Variants in GRK1 observed in about 807,000 individuals in gnomAD.
GRK1 encodes rhodopsin kinase GRK1.
Under a neutral mutation model 41.7 loss-of-function variants are expected in GRK1, and 28 were observed. The observed-to-expected ratio is 0.67, with a 90% CI of 0.50 to 0.92. The LOEUF is 0.92. Ranked by LOEUF, GRK1 falls within the 40% of genes least tolerant of loss-of-function variation. GRK1 has a pLI of 0.00. For synonymous variants in GRK1, 327 were observed against 286.7 expected (o/e 1.14, Z -1.42); for missense variants, 703 against 671.2 (o/e 1.05, Z -0.52).
At chr13:113,669,628 G>A (rs1432326164) in intron 1 of GRK1, 59 bp from the exon 2 acceptor site, 22 of 1,605,864 alleles carry the variant, frequency 1.4e-5, no homozygotes, top group Middle Eastern at 1.7e-4. Flanking sequence ...CGGTCTCTGC[G>A]ATGCACCTAG....
rs886412350 is a variant in GRK1, at chr13:113,723,152, C to T, written c.1064C>T (p.Thr355Ile). The T allele has an allele frequency of 7.1e-6, 5 of 700,908 alleles. No homozygotes were observed. The African/African-American group carries it at 8.8e-5, about 12-fold the overall frequency. The allele number at this position is 700,908 out of a possible 1,614,324, so 43.4% of individuals were successfully genotyped here. ...GQSKTKGYAG[T>I]PGFMAPELLQ... The stretch of plus-strand genomic sequence containing the variant: ...AGCAAGACCAAGGGCTACGCAGGGA[C>T]CCCAGGTAAGGGTCTGAGCGCAGCT... Residue 355 changes from threonine (T) to isoleucine (I), a missense_variant, in exon 4 of 7, where the codon ACC (threonine) becomes ATC (isoleucine). Transcript: ENST00000335678.
rs1382426787 is a variant in GRK1 at position 113,732,967 on chromosome 13, C to T, written c.1278C>T (p.Phe426=). Residue 426 remains phenylalanine (F), a synonymous_variant, in exon 6 of 7, where the codon TTC becomes TTT. Transcript: ENST00000335678. ...PDKFSQASKD[F]CEALLEKDPE... ...AGTTCAGCCAGGCCAGCAAGGACTT[C>T]TGCGAGGCGCTGCTGGAGAAGGACC... 5.9e-6 allele frequency: 9 copies of T among 1,536,962 alleles called. No homozygotes were observed. In the African/African-American group the frequency reaches 1.1e-4, roughly 19 times the overall value.
intron 1 of GRK1, among the ~76,000 whole-genome samples, chr13:113,668,574 C>G (rs1234003485): frequency 6.6e-6 from 1 of 152,244 alleles, no homozygotes; most frequent in Admixed American, 6.5e-5. Context: ...GGGGCAGGAA[C>G]TGTTCCCCTG....
chr13:113,729,452 G>A (rs142865041), intron 4 of GRK1, among the ~76,000 whole-genome samples: 1 of 152,226 alleles, frequency 6.6e-6, no homozygotes, highest in African/African-American at 2.4e-5. Flanking sequence ...CGGGACAGGG[G>A]CAGTGAAGGG....
At chr13:113,664,980 C>T (rs1003913070), upstream of GRK1, among the ~76,000 whole-genome samples, 5 of 152,200 alleles carry the variant, frequency 3.3e-5, no homozygotes, top group African/African-American at 4.8e-5. This position sits in a 1 kb window ranked among gnomAD's most constrained non-coding sequence, Gnocchi z 5.4. Context: ...AATATTTACT[C>T]GTGATCCACC....
chr13:113,659,341 G>A, the GRK1 span, among the ~76,000 whole-genome samples: 6 of 152,292 alleles, frequency 3.9e-5, no homozygotes, highest in East Asian at 3.9e-4. Context: ...AATATGATTC[G>A]AAGTCGACTA....
At chr13:113,651,471 G>GC in the GRK1 span, among the ~76,000 whole-genome samples, 326 of 152,336 alleles carry the variant, frequency 2.1e-3, 2 homozygotes, top group African/African-American at 7.4e-3. Context: ...ATAAGAAAAA[G>GC]CCCCATTGTT....
intron 4 of GRK1, among the ~76,000 whole-genome samples, chr13:113,730,953 G>C (rs1216462154): frequency 6.6e-6 from 1 of 152,228 alleles, no homozygotes; most frequent in Non-Finnish European, 1.5e-5. Context: ...CAGCACTAGA[G>C]TGGGCATGGG....
upstream of GRK1, among the ~76,000 whole-genome samples, chr13:113,665,112 T>C (rs549349185): frequency 1.2e-3 from 188 of 152,294 alleles, no homozygotes; most frequent in African/African-American, 4.1e-3. Flanking sequence ...TTCTCCCACG[T>C]GGAATGGGGT....
chr13:113,733,781 G>C (rs371011524), intron 6 of GRK1, among the ~76,000 whole-genome samples: 1,762 of 103,266 alleles, frequency 0.017, 51 homozygotes, highest in African/African-American at 0.056. Context: ...GTGCATACGT[G>C]TGTGCATGTG....
chr13:113,658,227 T>C, the GRK1 span: 1 of 1,332,030 alleles, frequency 7.5e-7, no homozygotes, highest in African/African-American at 1.5e-5. Context: ...CTGGGCTTTA[T>C]AGTTTCCTCT....
rs1192631555 is a variant in GRK1, at chr13:113,731,292, C to G, written c.1143C>G (p.Thr381=). The change falls in exon 5 of 7, where the codon ACC becomes ACG. Residue 381 remains threonine (T), a synonymous_variant. Coordinates refer to ENST00000335678, the MANE Select transcript of GRK1 (RefSeq NM_002929.3). This position sits in a 1 kb window ranked among gnomAD's most constrained non-coding sequence, Gnocchi z 5.6. ...FSVDYFALGV[T]LYEMIAARGP... is the part of the protein sequence containing the mutation. ...TGGACTACTTTGCCCTGGGGGTCAC[C>G]CTGTATGAGATGATTGCGGCCAGAG... 20 of 1,536,930 alleles carry G rather than the reference C, an allele frequency of 1.3e-5. No homozygotes were observed. The highest frequency in any genetic ancestry group is 2.4e-5 in the South Asian group (2 of 84,058).
rs2050008425 is a variant in GRK1 at position 113,736,922 on chromosome 13, G to C, written c.*1559G>C. ...TGGCTTGGGAAGGTCCCACTTGGGGGTGTCACGTCCTGCAGGGAGTGGAAG... is the reference window on the plus strand; with the variant it reads ...TGGCTTGGGAAGGTCCCACTTGGGGCTGTCACGTCCTGCAGGGAGTGGAAG... On this transcript the variant is annotated 3_prime_UTR_variant, in exon 7 of 7. Transcript: ENST00000335678. 6.6e-6 allele frequency: 1 copy of C among 152,390 alleles called. No homozygotes were observed. Among genetic ancestry groups the C allele is most frequent in the Non-Finnish European group, 1.5e-5 (1 of 68,156 alleles). 9.4% of individuals were successfully genotyped at this position (152,390 alleles called of 1,614,324 possible).
chr13:113,734,007 TGCGTGCATGTGTGTGCGTGC>T (rs1396939620), intron 6 of GRK1, among the ~76,000 whole-genome samples: 42 of 134,106 alleles, frequency 3.1e-4, no homozygotes, highest in African/African-American at 1.4e-3. Context: ...TGTGTGCGTG[TGCGTGCATGTGTGTGCGTGC>T]GTGTGCGTAT....
At position 113,667,766 on chromosome 13, in the gene GRK1, A is replaced by G. The variant is rs770077231; in HGVS notation, c.380A>G (p.Asp127Gly). Residue 127 changes from aspartate to glycine, a missense_variant, in exon 1 of 7, where the codon GAT becomes GGT. Physicochemically the swap from Asp to Gly is moderately conservative, Grantham distance 94 (BLOSUM62 -1). Coordinates refer to ENST00000335678, the MANE Select transcript of GRK1 (RefSeq NM_002929.3). The surrounding 1 kb of genome is among the most constrained non-coding windows in gnomAD (Gnocchi z 7.5). ...GCCAAACTCTTCTGCAGCTTCCTGG[A>G]TGAGGGGATAGTGGCGAAGTTTAAG... Reference protein sequence around the residue: ...PQAKLFCSFLDEGIVAKFKEG... With the variant: ...PQAKLFCSFLGEGIVAKFKEG... 9.9e-6 allele frequency: 16 copies of G among 1,613,136 alleles called. No homozygotes were observed. In the East Asian group the frequency reaches 3.6e-4, roughly 36 times the overall value.
chr13:113,664,049 G>T, upstream of GRK1, among the ~76,000 whole-genome samples: 1 of 152,210 alleles, frequency 6.6e-6, no homozygotes, highest in Non-Finnish European at 1.5e-5. This position sits in a 1 kb window ranked among gnomAD's most constrained non-coding sequence, Gnocchi z 5.4. Flanking sequence ...CGGCGAAACG[G>T]ACTGTGGCAC....
the GRK1 span, among the ~76,000 whole-genome samples, chr13:113,654,646 T>G: frequency 6.6e-6 from 1 of 152,264 alleles, no homozygotes; most frequent in African/African-American, 2.4e-5. Context: ...GGCCAGGGGC[T>G]GCCCTCGGGG....
chr13:113,658,961 G>A, the GRK1 span, among the ~76,000 whole-genome samples: 1 of 152,182 alleles, frequency 6.6e-6, no homozygotes, highest in African/African-American at 2.4e-5. Flanking sequence ...AACAGTGCTG[G>A]TGGGAGGGAG....
chr13:113,729,358 T>A (rs536081189), intron 4 of GRK1, among the ~76,000 whole-genome samples: 53 of 152,256 alleles, frequency 3.5e-4, no homozygotes, highest in African/African-American at 1.2e-3. Context: ...TTTAGTAAAG[T>A]GTTGGGAAGC....
Sources: allele counts gnomAD v4.1 joint callset (sites outside exome capture counted in the v4.1 genomes callset), GRCh38; gene constraint gnomAD v4.1.1; non-coding constraint Gnocchi (gnomAD v3.1); transcripts MANE v1.5; gene names NCBI Gene and HGNC (gene_info 2026-07-23, HGNC 2026-07-21).